The following UBE2G1 variants were observed in gnomAD, a reference collection of about 807,000 sequenced individuals.
The protein encoded by UBE2G1 is ubiquitin-conjugating enzyme E2 G1.
In UBE2G1, 5 loss-of-function variants were observed where a neutral mutation model predicts 22.7. That is an observed-to-expected ratio of 0.22 (90% confidence interval 0.12 to 0.46). The LOEUF (loss-of-function observed/expected upper bound fraction) is 0.46, where lower values mean the gene tolerates loss of function less well. Ranked by LOEUF, UBE2G1 falls within the 20% of genes least tolerant of loss-of-function variation. The pLI is 0.99. For synonymous variants in UBE2G1, 74 were observed against 67.5 expected, an observed-to-expected ratio of 1.10 and a Z score of -0.47; for missense variants, 88 against 203.9, an observed-to-expected ratio of 0.43 and a Z score of 3.46.
At chr17:4,278,609 C>T (rs1214121981) in intron 5 of UBE2G1, among the ~76,000 whole-genome samples, 1 of 152,164 alleles carries the variant, frequency 6.6e-6, no homozygotes, top group East Asian at 1.9e-4. Context: ...ATTGTTAGAA[C>T]ACATTAGTGA....
chr17:4,360,896 G>A (rs1969958764), intron 1 of UBE2G1, among the ~76,000 whole-genome samples: 1 of 151,414 alleles, frequency 6.6e-6, no homozygotes, highest in African/African-American at 2.4e-5. Flanking sequence ...TGGGCAACAA[G>A]AGTGAAGCTC....
At chr17:4,332,874 T>C (rs1017126357) in intron 1 of UBE2G1, among the ~76,000 whole-genome samples, 2 of 151,858 alleles carry the variant, frequency 1.3e-5, no homozygotes, top group Non-Finnish European at 2.9e-5. Flanking sequence ...CCTTACACAC[T>C]CCTTATTTTA....
chr17:4,295,421 T>C (rs899232160), intron 3 of UBE2G1, among the ~76,000 whole-genome samples: 29 of 152,222 alleles, frequency 1.9e-4, no homozygotes, highest in Admixed American at 1.9e-3. Context: ...CAGTCTCTCC[T>C]AATGCCCATC....
At chr17:4,278,532 G>A (rs1341933643) in intron 5 of UBE2G1, among the ~76,000 whole-genome samples, 1 of 152,196 alleles carries the variant, frequency 6.6e-6, no homozygotes, top group Non-Finnish European at 1.5e-5. Context: ...GTGGCCCGCA[G>A]GCTGCAGGCT....
At chr17:4,340,682 G>T (rs1383456407) in intron 1 of UBE2G1, among the ~76,000 whole-genome samples, 1 of 152,120 alleles carries the variant, frequency 6.6e-6, no homozygotes, top group African/African-American at 2.4e-5. Context: ...GCAGAACTGT[G>T]AATTAAACCT....
intron 1 of UBE2G1, among the ~76,000 whole-genome samples, chr17:4,312,180 C>T (rs1969317700): frequency 1.3e-5 from 2 of 151,266 alleles, no homozygotes; most frequent in African/African-American, 2.4e-5. Context: ...GCGGAGGTCA[C>T]CGAGATCATG....
intron 1 of UBE2G1, among the ~76,000 whole-genome samples, chr17:4,348,333 C>T (rs925661064): frequency 7.3e-5 from 11 of 151,468 alleles, no homozygotes; most frequent in African/African-American, 2.4e-4. Flanking sequence ...GCGGGCGGAT[C>T]ACGAGGTCAG....
intron 1 of UBE2G1, among the ~76,000 whole-genome samples, chr17:4,361,757 G>A (rs1391733686): frequency 6.6e-6 from 1 of 151,806 alleles, no homozygotes; most frequent in Non-Finnish European, 1.5e-5. Context: ...TGGCCAACAT[G>A]GCAAAAACCC....
intron 2 of UBE2G1, chr17:4,301,736 G>C (rs1969182500): frequency 1.1e-5 from 7 of 654,826 alleles, no homozygotes; most frequent in Non-Finnish European, 1.8e-5. Context: ...TGGATTGGTG[G>C]GGAGTGCTCA....
chr17:4,288,400 G>A (rs752056048), intron 4 of UBE2G1, among the ~76,000 whole-genome samples: 1 of 151,968 alleles, frequency 6.6e-6, no homozygotes, highest in South Asian at 2.1e-4. Context: ...CTAATTTTTC[G>A]TATTTTTAAT....
intron 2 of UBE2G1, among the ~76,000 whole-genome samples, chr17:4,297,493 G>A (rs1160301447): frequency 6.6e-6 from 1 of 152,216 alleles, no homozygotes; most frequent in East Asian, 1.9e-4. Context: ...TGCTATTTTA[G>A]ACAATACACC....
chr17:4,318,638 CA>C (rs1302935823), intron 1 of UBE2G1, among the ~76,000 whole-genome samples: 1 of 152,078 alleles, frequency 6.6e-6, no homozygotes, highest in African/African-American at 2.4e-5. Flanking sequence ...CTAAGAATGC[CA>C]CCTTCTTCAT....
At position 4,296,921 on chromosome 17, in the gene UBE2G1, G is replaced by A. The variant is rs944299708; in HGVS notation, c.150-107C>T. The A allele has an allele frequency of 6.2e-5, 57 of 920,472 alleles. 1 individual carries two copies. In the African/African-American group the frequency reaches 8.7e-4, roughly 14 times the overall value. The allele number at this position is 920,472 out of a possible 1,614,324, so 57.0% of individuals were successfully genotyped here. ...GGGTGCTAGCACTAACATCAAAAAT[G>A]AAGTAAACAAATAATCTGGATTCCC... On this transcript the variant is annotated intron_variant, in intron 2 of 5. Coordinates refer to ENST00000396981, the MANE Select transcript of UBE2G1 (RefSeq NM_003342.5).
At chr17:4,282,018 A>G (rs1179439701) in intron 5 of UBE2G1, among the ~76,000 whole-genome samples, 1 of 152,174 alleles carries the variant, frequency 6.6e-6, no homozygotes, top group Non-Finnish European at 1.5e-5. Context: ...AATAAAAGGG[A>G]AGTTTTTAAC....
At chr17:4,353,840 C>CA (rs1352623826) in intron 1 of UBE2G1, among the ~76,000 whole-genome samples, 3 of 113,160 alleles carry the variant, frequency 2.7e-5, no homozygotes, top group African/African-American at 1.1e-4. Flanking sequence ...TTTTTTGAGA[C>CA]AGAGTCTCAC....
chr17:4,289,122 C>CAT (rs1254217693), intron 4 of UBE2G1, 108 bp downstream of exon 4: 1 of 848,062 alleles, frequency 1.2e-6, no homozygotes, highest in Admixed American at 3.5e-5. Flanking sequence ...CACACACACA[C>CAT]ACACACACGC....
intron 1 of UBE2G1, among the ~76,000 whole-genome samples, chr17:4,308,854 T>C (rs952946734): frequency 1.3e-5 from 2 of 152,218 alleles, no homozygotes; most frequent in African/African-American, 2.4e-5. Context: ...ACTGAACCAA[T>C]GTTTAGGTAA....
chr17:4,328,565 TGCTCCTTA>T (rs1321267405), intron 1 of UBE2G1, among the ~76,000 whole-genome samples: 1 of 152,242 alleles, frequency 6.6e-6, no homozygotes. Flanking sequence ...CTGTCATGCT[TGCTCCTTA>T]GCTTCTTTTG....
intron 1 of UBE2G1, among the ~76,000 whole-genome samples, chr17:4,335,985 A>G (rs879306735): frequency 2.0e-5 from 3 of 152,090 alleles, no homozygotes; most frequent in African/African-American, 7.2e-5. Context: ...ATCTCTACTA[A>G]AAATACAAAA....
Sources: allele counts gnomAD v4.1 joint callset (sites outside exome capture counted in the v4.1 genomes callset), GRCh38; gene constraint gnomAD v4.1.1; transcripts MANE v1.5; gene names NCBI Gene and HGNC (gene_info 2026-07-23, HGNC 2026-07-21).